Variants in BRWD3 observed in about 807,000 individuals in gnomAD.
BRWD3 encodes bromodomain and WD repeat-containing protein 3.
Under a neutral mutation model 149.7 loss-of-function variants are expected in BRWD3, and 10 were observed. The observed-to-expected ratio is 0.07, with a 90% CI of 0.04 to 0.11. The LOEUF (loss-of-function observed/expected upper bound fraction) is 0.11. Ranked by LOEUF, BRWD3 falls within the 10% of genes least tolerant of loss-of-function variation. The probability of loss-of-function intolerance (pLI) is 1.00; values close to 1 mark genes in which losing one functional copy is unlikely to be tolerated. For missense variants in BRWD3, 940 were observed against 1,373.2 expected (o/e 0.68, Z 4.99); for synonymous variants, 504 against 456.7 (o/e 1.10, Z -1.32).
intron 8 of BRWD3, among the ~76,000 whole-genome samples, chrX:80,741,839 A>T (rs1379905627): frequency 9.0e-6 from 1 of 111,286 alleles, no homozygotes; most frequent in Admixed American, 9.5e-5. Flanking sequence ...GGTTGCAAAA[A>T]CTTTCTCCCA....
At chrX:80,682,388 T>C (rs2072462716) in intron 38 of BRWD3, 77 bp downstream of exon 38, 1 of 1,089,577 alleles carries the variant, frequency 9.2e-7, no homozygotes, top group Non-Finnish European at 1.3e-6. Flanking sequence ...CCCCAAATTA[T>C]TCATAAACTT....
At chrX:80,746,358 ATCTCC>A in intron 6 of BRWD3, among the ~76,000 whole-genome samples, 1 of 110,601 alleles carries the variant, frequency 9.0e-6, no homozygotes, top group African/African-American at 3.3e-5. Flanking sequence ...TAAAGGCTTC[ATCTCC>A]TATGAAGTCA....
intron 4 of BRWD3, among the ~76,000 whole-genome samples, chrX:80,808,240 C>G (rs2074369797): frequency 9.1e-6 from 1 of 109,604 alleles, no homozygotes; most frequent in Middle Eastern, 4.7e-3. Context: ...GTTTCTCTCC[C>G]TTTTCCGCCT....
intron 6 of BRWD3, among the ~76,000 whole-genome samples, chrX:80,775,122 G>A (rs901985079): frequency 8.9e-6 from 1 of 111,966 alleles, no homozygotes; most frequent in Admixed American, 9.5e-5. Flanking sequence ...AAACAGCCAT[G>A]CTCATTCATT....
At chrX:80,745,134 A>G (rs914629154) in intron 7 of BRWD3, among the ~76,000 whole-genome samples, 7 of 111,635 alleles carry the variant, frequency 6.3e-5, no homozygotes, top group Non-Finnish European at 1.3e-4. Context: ...AAAAAAAGAT[A>G]TAAAAAATAG....
intron 6 of BRWD3, among the ~76,000 whole-genome samples, chrX:80,755,670 C>T (rs1354330008): frequency 1.8e-5 from 2 of 111,483 alleles, no homozygotes; most frequent in African/African-American, 6.5e-5. Context: ...AAAACAGTTA[C>T]ATATATAAAA....
At chrX:80,749,198 A>C (rs2147796708) in intron 6 of BRWD3, among the ~76,000 whole-genome samples, 1 of 111,960 alleles carries the variant, frequency 8.9e-6, no homozygotes, top group Non-Finnish European at 1.9e-5. Flanking sequence ...ATTAGTCTGA[A>C]ATGTGGTTTA....
chrX:80,748,143 G>A (rs1389687120), intron 6 of BRWD3, among the ~76,000 whole-genome samples: 2 of 110,216 alleles, frequency 1.8e-5, no homozygotes, highest in Non-Finnish European at 3.8e-5. Flanking sequence ...ATGCCCAGCC[G>A]AGATACATTC....
intron 14 of BRWD3, among the ~76,000 whole-genome samples, chrX:80,728,440 G>A (rs571510843): frequency 9.0e-6 from 1 of 110,861 alleles, no homozygotes; most frequent in African/African-American, 3.3e-5. Flanking sequence ...CCCCTATAAC[G>A]GTAACAATGA....
intron 8 of BRWD3, among the ~76,000 whole-genome samples, chrX:80,737,691 T>G (rs2073424084): frequency 8.9e-6 from 1 of 111,993 alleles, no homozygotes; most frequent in Admixed American, 9.4e-5. Context: ...AAAAATTAGC[T>G]GGGCATGGTG....
chrX:80,796,133 G>T (rs868587310), intron 4 of BRWD3, among the ~76,000 whole-genome samples: 9 of 103,008 alleles, frequency 8.7e-5, no homozygotes, highest in South Asian at 4.5e-4. Flanking sequence ...CAATGTTTTT[G>T]TTTTTTTTTT....
In BRWD3 at chrX:80,707,540, T is replaced by A. The variant is rs763952723; in HGVS notation, c.2476-37A>T. The A allele has an allele frequency of 2.6e-6, 3 of 1,138,525 alleles. No homozygotes were observed. In the South Asian group the frequency reaches 5.6e-5, roughly 21 times the overall value. 93.8% of individuals were successfully genotyped at this position (1,138,525 alleles called of 1,213,427 possible). A position where few individuals can be genotyped will look rare whatever the true frequency, so the allele number is the denominator to read the frequency against. On this transcript the variant is annotated intron_variant, in intron 21 of 40. Transcript: ENST00000373275. The stretch of plus-strand genomic sequence containing the variant: ...AGCCAGCAATTAAGATATATGGATA[T>A]TACCAGCTAATGTATTTCTAATTAA...
intron 6 of BRWD3, among the ~76,000 whole-genome samples, chrX:80,745,994 C>T (rs1176060035): frequency 1.8e-5 from 2 of 110,486 alleles, no homozygotes; most frequent in African/African-American, 3.3e-5. Flanking sequence ...TCTCCTTTTG[C>T]CTTTCTTGGT....
intron 20 of BRWD3, chrX:80,710,054 G>A: frequency 1.9e-6 from 2 of 1,066,559 alleles, no homozygotes; most frequent in Admixed American, 4.4e-5. Flanking sequence ...TGCAGTATTG[G>A]TTGCATTGAA....
At chrX:80,782,393 C>T (rs1485555075) in intron 6 of BRWD3, among the ~76,000 whole-genome samples, 2 of 111,017 alleles carry the variant, frequency 1.8e-5, no homozygotes, top group Admixed American at 1.9e-4. Context: ...AAGACCTCAA[C>T]CTATGAAACC....
intron 6 of BRWD3, among the ~76,000 whole-genome samples, chrX:80,759,177 G>A (rs1254031227): frequency 8.9e-6 from 1 of 112,027 alleles, no homozygotes; most frequent in Admixed American, 9.5e-5. Flanking sequence ...CTGCCTTATA[G>A]TATCTAGTGC....
At chrX:80,742,788 AT>A (rs889900907) in intron 8 of BRWD3, among the ~76,000 whole-genome samples, 1 of 111,478 alleles carries the variant, frequency 9.0e-6, no homozygotes, top group Non-Finnish European at 1.9e-5. Context: ...GCTTAAGGAG[AT>A]TTTGGGCTGA....
intron 38 of BRWD3, 32 bp downstream of exon 38, chrX:80,682,433 G>A: frequency 8.3e-7 from 1 of 1,198,120 alleles, no homozygotes; most frequent in Non-Finnish European, 1.1e-6. Flanking sequence ...AATGCTTTGA[G>A]AACAAAAAAT....
chrX:80,711,620 C>G (rs2072969602), intron 20 of BRWD3, among the ~76,000 whole-genome samples: 2 of 111,864 alleles, frequency 1.8e-5, no homozygotes, highest in Non-Finnish European at 3.8e-5. Context: ...AACCTACTCT[C>G]TGTGAAAAAA....
Sources: allele counts gnomAD v4.1 joint callset (sites outside exome capture counted in the v4.1 genomes callset), GRCh38; gene constraint gnomAD v4.1.1; transcripts MANE v1.5; gene names NCBI Gene and HGNC (gene_info 2026-07-23, HGNC 2026-07-21).